Variants in TMEM63C observed in about 807,000 individuals in gnomAD.
TMEM63C encodes osmosensitive cation channel TMEM63C.
A neutral mutation model predicts 99.2 loss-of-function variants in TMEM63C; 32 were observed. That is an observed-to-expected ratio of 0.32 (90% CI 0.24 to 0.43). TMEM63C has a LOEUF of 0.43. Ranked by LOEUF, TMEM63C falls within the 20% of genes least tolerant of loss-of-function variation. The probability of loss-of-function intolerance (pLI) is 1.00; values close to 1 mark genes in which losing one functional copy is unlikely to be tolerated. For synonymous variants in TMEM63C, 376 were observed against 397.9 expected, an observed-to-expected ratio of 0.94 and a Z score of 0.66; for missense variants, 826 against 1,053.0, an observed-to-expected ratio of 0.78 and a Z score of 2.98.
intron 1 of TMEM63C, among the ~76,000 whole-genome samples, chr14:77,195,310 C>T (rs970851793): frequency 3.3e-5 from 5 of 152,102 alleles, no homozygotes; most frequent in African/African-American, 1.2e-4. Flanking sequence ...AGCAAGCTGC[C>T]GGGGCTCCCT....
Position 77,187,684 on chromosome 14 carries a change from C to A in TMEM63C, c.-77+5790C>A, listed in dbSNP as rs527736589. On this transcript the variant is annotated intron_variant, in intron 1 of 23. Transcript: ENST00000298351. ...CCCTCCTGTGTGGCTGGGGAGAGAA[C>A]CCAGACCATCGCAGCCCTGATCTGT... 2.0e-5 allele frequency among the ~76,000 whole-genome samples: 3 copies of A among 152,328 alleles called. No homozygotes were observed. In the East Asian group the frequency reaches 5.8e-4, roughly 29 times the overall value.
intron 8 of TMEM63C, among the ~76,000 whole-genome samples, chr14:77,234,786 C>T (rs1889007047): frequency 6.6e-6 from 1 of 152,174 alleles, no homozygotes; most frequent in Admixed American, 6.5e-5. Flanking sequence ...GGTCCAAGTG[C>T]CACGACTCTC....
chr14:77,200,603 C>T (rs1167412232), intron 1 of TMEM63C, among the ~76,000 whole-genome samples: 1 of 152,200 alleles, frequency 6.6e-6, no homozygotes. Flanking sequence ...GCGCCAGAGC[C>T]CAGAAATAGG....
chr14:77,226,745 T>A (rs1245404957), intron 6 of TMEM63C, among the ~76,000 whole-genome samples: 1 of 149,302 alleles, frequency 6.7e-6, no homozygotes, highest in Non-Finnish European at 1.5e-5. Flanking sequence ...GGTAAAAGAT[T>A]GGGCTGGAAG....
At chr14:77,186,088 T>C (rs1384333598) in intron 1 of TMEM63C, among the ~76,000 whole-genome samples, 1 of 151,750 alleles carries the variant, frequency 6.6e-6, no homozygotes, top group Non-Finnish European at 1.5e-5. Context: ...CTCGGCTCAC[T>C]GCAACCTCTG....
At chr14:77,205,010 C>G (rs1175989877) in intron 1 of TMEM63C, among the ~76,000 whole-genome samples, 1 of 152,164 alleles carries the variant, frequency 6.6e-6, no homozygotes, top group Non-Finnish European at 1.5e-5. Context: ...GGCCTGAGCT[C>G]TTCCCTAAGG....
At chr14:77,194,021 A>T (rs931724581) in intron 1 of TMEM63C, among the ~76,000 whole-genome samples, 1 of 152,206 alleles carries the variant, frequency 6.6e-6, no homozygotes, top group Admixed American at 6.5e-5. Flanking sequence ...ACAAGAAAAA[A>T]CAAAGATATT....
intron 1 of TMEM63C, among the ~76,000 whole-genome samples, chr14:77,210,009 A>T (rs1331445863): frequency 6.6e-6 from 1 of 152,142 alleles, no homozygotes; most frequent in Admixed American, 6.5e-5. Context: ...GAACTGCCAC[A>T]CTGTGACATG....
intron 13 of TMEM63C, among the ~76,000 whole-genome samples, chr14:77,240,931 CTTTTTTTTTT>C (rs575279817): frequency 1.0e-4 from 13 of 128,482 alleles, no homozygotes; most frequent in Non-Finnish European, 1.8e-4. Flanking sequence ...TTCCCTTTTT[CTTTTTTTTTT>C]TTTTTCTTTT....
chr14:77,188,539 C>T (rs1888043201), intron 1 of TMEM63C, among the ~76,000 whole-genome samples: 1 of 152,100 alleles, frequency 6.6e-6, no homozygotes, highest in Admixed American at 6.5e-5. Context: ...GGAAACAGCT[C>T]CAAGGGTATC....
intron 15 of TMEM63C, 67 bp from the exon 16 acceptor site, chr14:77,244,279 GAGA>G: frequency 8.4e-7 from 1 of 1,196,422 alleles, no homozygotes; most frequent in Non-Finnish European, 1.2e-6. Context: ...TGAGTGGGAG[GAGA>G]AGAAGCAAGG....
At chr14:77,253,265 G>A in intron 22 of TMEM63C, 40 bp from the exon 23 acceptor site, 6 of 1,593,068 alleles carry the variant, frequency 3.8e-6, no homozygotes, top group Non-Finnish European at 5.1e-6. Flanking sequence ...GAGGGGCAAA[G>A]AGCAGGCCTC....
At chr14:77,226,767 ATTTTTT>A (rs10709163) in intron 6 of TMEM63C, among the ~76,000 whole-genome samples, 1 of 129,490 alleles carries the variant, frequency 7.7e-6, no homozygotes. Flanking sequence ...ATCAGTTGGG[ATTTTTT>A]TTTTTTTTTT....
chr14:77,217,061 C>T (rs183258286), intron 2 of TMEM63C, among the ~76,000 whole-genome samples: 53 of 152,116 alleles, frequency 3.5e-4, no homozygotes, highest in Admixed American at 1.2e-3. Context: ...CCCAGCTACT[C>T]TTGAATATTG....
At chr14:77,211,361 C>T (rs1347422083) in intron 1 of TMEM63C, among the ~76,000 whole-genome samples, 1 of 152,210 alleles carries the variant, frequency 6.6e-6, no homozygotes, top group East Asian at 1.9e-4. Context: ...TTAATTTTCT[C>T]TTGCATTTAG....
intron 21 of TMEM63C, among the ~76,000 whole-genome samples, chr14:77,250,054 G>T (rs8003151): frequency 0.22 from 33,866 of 152,058 alleles, 5,097 homozygotes; most frequent in African/African-American, 0.43. Flanking sequence ...AGTCTGGTCT[G>T]GAATTTCTGG....
intron 1 of TMEM63C, among the ~76,000 whole-genome samples, chr14:77,210,610 G>C (rs969334523): frequency 6.6e-6 from 1 of 152,104 alleles, no homozygotes. Flanking sequence ...CTAGCCATGA[G>C]AGTAAACCTC....
intron 2 of TMEM63C, among the ~76,000 whole-genome samples, chr14:77,215,579 C>G (rs570154510): frequency 1.6e-4 from 15 of 93,948 alleles, no homozygotes; most frequent in African/African-American, 4.2e-4. Context: ...CCAGCCTAAG[C>G]GACAGAGTGA....
intron 18 of TMEM63C, 66 bp from the exon 19 acceptor site, chr14:77,248,281 C>T (rs1889297636): frequency 6.9e-7 from 1 of 1,440,140 alleles, no homozygotes. Context: ...TCTCTCTCCT[C>T]CCTTTTAACA....
Sources: gnomAD v4.1 joint callset for allele counts (sites outside exome capture counted in the v4.1 genomes callset) on GRCh38, gnomAD v4.1.1 for gene constraint, MANE v1.5 for transcripts, NCBI Gene and HGNC (gene_info 2026-07-23, HGNC 2026-07-21) for gene names.